PRSS8: variants seen among roughly 807,000 people sequenced by gnomAD.
The protein encoded by PRSS8 is serine protease 8.
A neutral mutation model predicts 26.7 loss-of-function variants in PRSS8; 11 were observed. The observed-to-expected ratio is 0.41, with a 90% CI of 0.26 to 0.68. PRSS8 has a LOEUF of 0.68. Ranked by LOEUF, PRSS8 falls within the 30% of genes least tolerant of loss-of-function variation. The pLI is 0.30. For synonymous variants in PRSS8, 183 were observed against 187.0 expected, an observed-to-expected ratio of 0.98 and a Z score of 0.17; for missense variants, 362 against 443.5, an observed-to-expected ratio of 0.82 and a Z score of 1.65.
Position 31,135,580 on chromosome 16 carries a change from A to T in PRSS8, c.-82T>A. The T allele has an allele frequency of 8.5e-7, 1 of 1,178,010 alleles. No homozygotes were observed. Among genetic ancestry groups the T allele is most frequent in the Non-Finnish European group, 1.2e-6 (1 of 848,722 alleles). The allele number at this position is 1,178,010 out of a possible 1,614,324, so 73.0% of individuals were successfully genotyped here. On this transcript the variant is annotated 5_prime_UTR_variant, in exon 1 of 6. Coordinates refer to ENST00000317508, the MANE Select transcript of PRSS8 (RefSeq NM_002773.5). Reference sequence around the variant, plus strand: ...GGGTGGTGTCGAAGGCAGGACCCAGATGTTGGCTCAGAGGGAAGGATCCCA... The same window carrying T: ...GGGTGGTGTCGAAGGCAGGACCCAGTTGTTGGCTCAGAGGGAAGGATCCCA...
At position 31,135,415 on chromosome 16, in the gene PRSS8, T is replaced by G; in HGVS notation, c.84A>C (p.Thr28=). The G allele has an allele frequency of 1.9e-6, 3 of 1,593,122 alleles. No individual in the cohort carries two copies. Among genetic ancestry groups the G allele is most frequent in the Non-Finnish European group, 2.6e-6 (3 of 1,170,322 alleles). Residue 28 remains threonine (T), a splice_region_variant and synonymous_variant, in exon 1 of 6, where the codon ACA becomes ACC. Coordinates refer to ENST00000317508, the MANE Select transcript of PRSS8 (RefSeq NM_002773.5). ...CCCTGCCCCCACGTCCTCACTTACC[T>G]GTCCCCGACCGGAGTAATCCAAGAT... ...LLYLGLLRSG[T]GAEGAEAPCG...
rs533582334 is a variant in PRSS8, at chr16:31,132,113, G to A, written c.928C>T (p.Leu310=). Residue 310 remains leucine, a synonymous_variant, in exon 6 of 6, where the codon CTG becomes TTG. Transcript: ENST00000317508. The surrounding 1 kb of genome is among the most constrained non-coding windows in gnomAD (Gnocchi z 5.2). The part of the protein sequence containing the change: ...QPDSNLCGSH[L]AFSSAPAQGL... ...TGGGCTGGGGCAGAGCTGAAGGCCA[G>A]GTGGCTGCCACAGAGGTTGCTGTCG... 6 of 1,612,760 alleles carry A rather than the reference G, an allele frequency of 3.7e-6. No individual in the cohort carries two copies. The African/African-American group carries it at 8.0e-5, about 21-fold the overall frequency.
In PRSS8 at chr16:31,133,363, T is replaced by A. The variant is rs2057591322; in HGVS notation, c.129A>T (p.Ala43=). ...CTGCACTGCTGCCACCTGTGATGCG[T>A]GCTTGGGGGGCCACACCGCAGGGAG... ...AEAPCGVAPQ[A]RITGGSSAVA... is the part of the protein sequence containing the mutation. The change falls in exon 3 of 6, where the codon GCA becomes GCT. Residue 43 remains alanine, a synonymous_variant. Coordinates refer to ENST00000317508, the MANE Select transcript of PRSS8 (RefSeq NM_002773.5). The surrounding 1 kb of genome is among the most constrained non-coding windows in gnomAD (Gnocchi z 4.7). The A allele has an allele frequency of 1.9e-6, 3 of 1,613,874 alleles. No homozygotes were observed. The highest frequency in any genetic ancestry group is 2.5e-6 in the Non-Finnish European group (3 of 1,179,866).
chr16:31,134,483 TCTGA>T (rs2057596161), intron 2 of PRSS8: 1 of 152,450 alleles, frequency 6.6e-6, no homozygotes, highest in South Asian at 2.1e-4. Context: ...TGAAAGCCGG[TCTGA>T]CTCAGAGCTG....
Position 31,133,367 on chromosome 16 carries a change from T to TG in PRSS8, c.124dup (p.Gln42ProfsTer24), listed in dbSNP as rs777030425. The stretch of plus-strand genomic sequence containing the variant: ...ACTGCTGCCACCTGTGATGCGTGCT[T>TG]GGGGGGCCACACCGCAGGGAGCTGC... On this transcript the variant is annotated frameshift_variant, in exon 3 of 6. Transcript: ENST00000317508. LOFTEE classifies it high-confidence loss of function. The surrounding 1 kb of genome is among the most constrained non-coding windows in gnomAD (Gnocchi z 4.7). The TG allele has an allele frequency of 3.7e-6, 6 of 1,613,874 alleles. No individual in the cohort carries two copies. Among genetic ancestry groups the TG allele is most frequent in the South Asian group, 1.1e-5 (1 of 91,078 alleles).
At position 31,133,200 on chromosome 16, in the gene PRSS8, C is replaced by A; in HGVS notation, c.266+26G>T. 6.2e-7 allele frequency: 1 copy of A among 1,613,580 alleles called. No homozygotes were observed. Among genetic ancestry groups the A allele is most frequent in the Non-Finnish European group, 8.5e-7 (1 of 1,179,876 alleles). ...GACCCATTAACTTTGACCTCCAGCC[C>A]ACTTTTGACTTTCACCATTTGGTAC... On this transcript the variant is annotated intron_variant, in intron 3 of 5. Transcript: ENST00000317508. The surrounding 1 kb of genome is among the most constrained non-coding windows in gnomAD (Gnocchi z 4.7).
Position 31,133,156 on chromosome 16 carries a change from C to T in PRSS8, c.266+70G>A, listed in dbSNP as rs775597025. 2.5e-6 allele frequency: 4 copies of T among 1,608,274 alleles called. No homozygotes were observed. Among genetic ancestry groups the T allele is most frequent in the Admixed American group, 1.7e-5 (1 of 59,876 alleles). ...CACTCTCAGACCCAACCCAAGAACC[C>T]CAACCTCTGACCTGGATTGACCCAT... is the stretch of plus-strand genomic sequence containing the variant. On this transcript the variant is annotated intron_variant, in intron 3 of 5. Transcript: ENST00000317508. The surrounding 1 kb of genome is among the most constrained non-coding windows in gnomAD (Gnocchi z 4.7).
rs1167670013 is a variant in PRSS8 at position 31,133,860 on chromosome 16, C to T, written c.104-472G>A. ...CATCCTTACTGTCTGGCAAACTTCC[C>T]TTTGCCTGTGGATGCTTGATTGGAA... is the stretch of plus-strand genomic sequence containing the variant. On this transcript the variant is annotated intron_variant, in intron 2 of 5. Coordinates refer to ENST00000317508, the MANE Select transcript of PRSS8 (RefSeq NM_002773.5). This position sits in a 1 kb window ranked among gnomAD's most constrained non-coding sequence, Gnocchi z 4.7. Among the ~76,000 whole-genome samples, 1 of 152,164 alleles carries T rather than the reference C, an allele frequency of 6.6e-6. No homozygotes were observed. Among genetic ancestry groups the T allele is most frequent in the African/African-American group, 2.4e-5 (1 of 41,448 alleles).
rs543391705 is a variant in PRSS8, at chr16:31,132,727, C to T, written c.493G>A (p.Gly165Ser). ...CAGCCAGTGACAGTGCAGTGGAGGC[C>T]GTTGGGGAAGGAGGCGTTGGCTGCA... ...LPAANASFPN[G>S]LHCTVTGWGH... Residue 165 changes from glycine (G) to serine (S), a missense_variant, in exon 4 of 6, where the codon GGC (glycine) becomes AGC (serine). Transcript: ENST00000317508. The surrounding 1 kb of genome is among the most constrained non-coding windows in gnomAD (Gnocchi z 5.2). 11 of 1,613,942 alleles carry T rather than the reference C, an allele frequency of 6.8e-6. No individual in the cohort carries two copies. The highest frequency in any genetic ancestry group is 6.7e-5 in the African/African-American group (5 of 75,022).
Position 31,131,984 on chromosome 16 carries a change from C to T in PRSS8, c.*25G>A, listed in dbSNP as rs780811655. The T allele has an allele frequency of 6.6e-7, 1 of 1,516,122 alleles. No individual in the cohort carries two copies. The highest frequency in any genetic ancestry group is 1.3e-5 in the South Asian group (1 of 77,458). 93.9% of individuals were successfully genotyped at this position (1,516,122 alleles called of 1,614,324 possible). A position where few individuals can be genotyped will look rare whatever the true frequency, so the allele number is the denominator to read the frequency against. ...CAGGCTCCTGTCCTTGAGTGTGATG[C>T]ATCCATCCTGGAAGTAGGGCCAGCT... On this transcript the variant is annotated 3_prime_UTR_variant, in exon 6 of 6. Transcript: ENST00000317508.
rs1190984637 is a variant in PRSS8 at position 31,135,474 on chromosome 16, G to T, written c.25C>A (p.Pro9Thr). 1.3e-6 allele frequency: 2 copies of T among 1,581,394 alleles called. No homozygotes were observed. The highest frequency in any genetic ancestry group is 4.7e-5 in the East Asian group (2 of 42,954). The change falls in exon 1 of 6, where the codon CCT becomes ACT. Residue 9 changes from proline to threonine, a missense_variant. By Grantham distance (38) the Pro-to-Thr change is conservative. Coordinates refer to ENST00000317508, the MANE Select transcript of PRSS8 (RefSeq NM_002773.5). MAQKGVLG[P>T]GQLGAVAILL... ...ATGGCCACAGCCCCCAGCTGCCCAG[G>T]CCCCAGGACCCCCTTCTGGGCCATG...
chr16:31,133,358 A>G lies in PRSS8; in HGVS notation c.134T>C (p.Ile45Thr). ...APCGVAPQAR[I>T]TGGSSAVAGQ... ...GGCGACTGCACTGCTGCCACCTGTG[A>G]TGCGTGCTTGGGGGGCCACACCGCA... The change falls in exon 3 of 6, where the codon ATC (isoleucine) becomes ACC (threonine). Residue 45 changes from isoleucine (I) to threonine (T), a missense_variant. Physicochemically the swap from Ile to Thr is moderately conservative, Grantham distance 89. Transcript: ENST00000317508. The surrounding 1 kb of genome is among the most constrained non-coding windows in gnomAD (Gnocchi z 4.7). The G allele has an allele frequency of 6.2e-7, 1 of 1,613,944 alleles. No individual in the cohort carries two copies. Among genetic ancestry groups the G allele is most frequent in the Admixed American group, 1.7e-5 (1 of 60,022 alleles).
rs769801279 is a variant in PRSS8, at chr16:31,132,143, G to A, written c.898C>T (p.Gln300Ter). The A allele has an allele frequency of 6.2e-7, 1 of 1,613,754 alleles. No individual in the cohort carries two copies. The highest frequency in any genetic ancestry group is 1.1e-5 in the South Asian group (1 of 91,020). The change falls in exon 6 of 6, where the codon CAG becomes TAG. Residue 300 changes from glutamine (Q) to a stop codon, truncating the protein, a stop_gained. Coordinates refer to ENST00000317508, the MANE Select transcript of PRSS8 (RefSeq NM_002773.5). LOFTEE classifies it low-confidence loss of function (END_TRUNC). The surrounding 1 kb of genome is among the most constrained non-coding windows in gnomAD (Gnocchi z 5.2). ...PRVVPQTQES[Q>*]PDSNLCGSHL... ...CTGCCACAGAGGTTGCTGTCGGGCTGGGACTCCTGGGTTTGGGGCACCACA... is the reference window on the plus strand; with the variant it reads ...CTGCCACAGAGGTTGCTGTCGGGCTAGGACTCCTGGGTTTGGGGCACCACA...
Position 31,132,028 on chromosome 16 carries a change from G to C in PRSS8, c.1013C>G (p.Pro338Arg). ...PLGLALGLLSPWLSEH is the reference protein window; with the variant it reads ...PLGLALGLLSRWLSEH ...GCCAGCTCAGTGCTCGCTGAGCCAT[G>C]GGGAGAGGAGGCCCAGAGCCAGGCC... The change falls in exon 6 of 6, where the codon CCA (proline) becomes CGA (arginine). Residue 338 changes from proline (P) to arginine (R), a missense_variant. By Grantham distance (103) the Pro-to-Arg change is moderately radical. Transcript: ENST00000317508. This position sits in a 1 kb window ranked among gnomAD's most constrained non-coding sequence, Gnocchi z 5.2. 3 of 1,584,014 alleles carry C rather than the reference G, an allele frequency of 1.9e-6. No individual in the cohort carries two copies. The highest frequency in any genetic ancestry group is 2.6e-6 in the Non-Finnish European group (3 of 1,165,130).
In PRSS8 at chr16:31,132,036, G is replaced by A; in HGVS notation, c.1005C>T (p.Leu335=). The A allele has an allele frequency of 6.3e-7, 1 of 1,588,394 alleles. No individual in the cohort carries two copies. Among genetic ancestry groups the A allele is most frequent in the African/African-American group, 1.3e-5 (1 of 74,550 alleles). ...AGTGCTCGCTGAGCCATGGGGAGAG[G>A]AGGCCCAGAGCCAGGCCCAGAGGCA... is the stretch of plus-strand genomic sequence containing the variant. ...LFLPLGLALG[L]LSPWLSEH Residue 335 remains leucine, a synonymous_variant, in exon 6 of 6, where the codon CTC becomes CTT. Transcript: ENST00000317508. The surrounding 1 kb of genome is among the most constrained non-coding windows in gnomAD (Gnocchi z 5.2).
chr16:31,134,892 A>C (rs2057597541), intron 2 of PRSS8: 2 of 526,692 alleles, frequency 3.8e-6, no homozygotes, highest in Non-Finnish European at 6.8e-6. Context: ...CAAAAACCAA[A>C]CCAAAAAAAC....
rs1370477690 is a variant in PRSS8 at position 31,131,449 on chromosome 16, T to A, written c.*560A>T. 1.0e-5 allele frequency: 7 copies of A among 671,476 alleles called. No individual in the cohort carries two copies. The highest frequency in any genetic ancestry group is 2.7e-5 in the Admixed American group (1 of 37,092). The allele number at this position is 671,476 out of a possible 1,614,324, so 41.6% of individuals were successfully genotyped here. ...CACGGCAAGTTGTGCTCAAACATTT[T>A]AATCATTTCTGCCCTGTTACTCCCA... On this transcript the variant is annotated 3_prime_UTR_variant, in exon 6 of 6. Transcript: ENST00000317508.
chr16:31,132,193 C>T lies in PRSS8; in HGVS notation c.848G>A (p.Ser283Asn), dbSNP rs777325381. The change falls in exon 6 of 6, where the codon AGC (serine) becomes AAC (asparagine). Residue 283 changes from serine to asparagine, a missense_variant. Coordinates refer to ENST00000317508, the MANE Select transcript of PRSS8 (RefSeq NM_002773.5). This position sits in a 1 kb window ranked among gnomAD's most constrained non-coding sequence, Gnocchi z 5.2. ...LASSYASWIQ[S>N]KVTELQPRVV... ...ACGAGGCTGGAGTTCTGTCACCTTGCTTTGGATCCAGGAGGCATAGCTGGA... is the reference window on the plus strand; with the variant it reads ...ACGAGGCTGGAGTTCTGTCACCTTGTTTTGGATCCAGGAGGCATAGCTGGA... The T allele has an allele frequency of 9.0e-5, 146 of 1,613,846 alleles. 1 individual carries two copies. The South Asian group carries it at 1.5e-3, about 17-fold the overall frequency.
intron 2 of PRSS8, chr16:31,134,790 G>T: frequency 3.8e-6 from 1 of 260,720 alleles, no homozygotes; most frequent in South Asian, 5.8e-5. Context: ...ACGTGAGCCC[G>T]GGAGGCTGGA....
Sources: gnomAD v4.1 joint callset for allele counts (sites outside exome capture counted in the v4.1 genomes callset) on GRCh38, gnomAD v4.1.1 for gene constraint, Gnocchi (gnomAD v3.1) non-coding constraint, MANE v1.5 for transcripts, NCBI Gene and HGNC (gene_info 2026-07-23, HGNC 2026-07-21) for gene names.